C13orf42: variants seen among roughly 807,000 people sequenced by gnomAD.
C13orf42 encodes the protein uncharacterized protein C13orf42.
intron 1 of C13orf42, among the ~76,000 whole-genome samples, chr13:51,097,704 C>T (rs1453195413): frequency 6.6e-6 from 1 of 152,038 alleles, no homozygotes; most frequent in East Asian, 1.9e-4. Flanking sequence ...CCTCCCTGAA[C>T]TCACAACTCC....
chr13:51,127,289 G>A (rs1217547042), intron 1 of C13orf42, among the ~76,000 whole-genome samples: 5 of 152,194 alleles, frequency 3.3e-5, no homozygotes, highest in Non-Finnish European at 5.9e-5. Context: ...CTCAGTCTAG[G>A]CAATTTACCG....
intron 1 of C13orf42, among the ~76,000 whole-genome samples, chr13:51,106,452 C>G (rs532506455): frequency 1.3e-5 from 2 of 152,164 alleles, no homozygotes; most frequent in African/African-American, 4.8e-5. Flanking sequence ...GTTTTCCAGT[C>G]AAAGTGGATA....
Position 51,171,017 on chromosome 13 carries a change from C to A in C13orf42, n.136+1236G>T, listed in dbSNP as rs953159947. 2.6e-5 allele frequency among the ~76,000 whole-genome samples: 4 copies of A among 152,076 alleles called. No individual in the cohort carries two copies. In the Middle Eastern group the frequency reaches 0.014, roughly 521 times the overall value. On this transcript the variant is annotated intron_variant and non_coding_transcript_variant, in intron 1 of 4. Coordinates refer to the C13orf42 transcript ENST00000433280. ...CCCTGACCTCTTATCTCTGTGCCCC[C>A]ATCCCTTATTTCCGTGCCCCAACCC...
chr13:51,151,851 T>C (rs1953780577), intron 1 of C13orf42, among the ~76,000 whole-genome samples: 1 of 152,234 alleles, frequency 6.6e-6, no homozygotes, highest in Non-Finnish European at 1.5e-5. Flanking sequence ...TGGACTTACA[T>C]GGTCCCAGGG....
chr13:51,163,083 A>G (rs1427245663), intron 1 of C13orf42, among the ~76,000 whole-genome samples: 1 of 152,080 alleles, frequency 6.6e-6, no homozygotes, highest in African/African-American at 2.4e-5. Flanking sequence ...CTGACCCCAA[A>G]TTCCAATTTC....
At chr13:51,132,724 A>G (rs886661628) in intron 1 of C13orf42, among the ~76,000 whole-genome samples, 6 of 152,124 alleles carry the variant, frequency 3.9e-5, no homozygotes, top group African/African-American at 1.4e-4. Context: ...TCTGGACTAG[A>G]GCAACTCCAT....
intron 1 of C13orf42, chr13:51,162,146 G>A (rs993475383): frequency 7.5e-6 from 2 of 265,168 alleles, no homozygotes; most frequent in Admixed American, 7.8e-5. Flanking sequence ...ATGGGCATAA[G>A]CCATCTCACA....
chr13:51,123,429 A>G (rs1012818086), intron 1 of C13orf42, among the ~76,000 whole-genome samples: 1 of 152,324 alleles, frequency 6.6e-6, no homozygotes, highest in South Asian at 2.1e-4. Context: ...CAAATTACAC[A>G]CATCACTTCT....
intron 1 of C13orf42, among the ~76,000 whole-genome samples, chr13:51,093,283 A>G (rs74085504): frequency 1.7e-3 from 252 of 152,270 alleles, no homozygotes; most frequent in African/African-American, 5.8e-3. Context: ...TCTTCTGGGT[A>G]TTGGTTCACA....
intron 1 of C13orf42, among the ~76,000 whole-genome samples, chr13:51,164,885 G>A (rs558515920): frequency 5.3e-5 from 8 of 152,106 alleles, no homozygotes; most frequent in Non-Finnish European, 8.8e-5. Context: ...GTTTGAAGAG[G>A]GTCCAGATAA....
At chr13:51,131,945 G>GA in intron 1 of C13orf42, among the ~76,000 whole-genome samples, 1 of 152,260 alleles carries the variant, frequency 6.6e-6, no homozygotes, top group Middle Eastern at 3.4e-3. Flanking sequence ...CTGCTTAGAA[G>GA]AAACAAGAGG....
At chr13:51,147,332 T>C (rs1953743191) in intron 1 of C13orf42, among the ~76,000 whole-genome samples, 2 of 152,198 alleles carry the variant, frequency 1.3e-5, no homozygotes, top group African/African-American at 4.8e-5. Flanking sequence ...GCTCCCTCCG[T>C]GCCTGTGAGA....
chr13:51,171,553 G>C (rs1025531852), intron 1 of C13orf42, among the ~76,000 whole-genome samples: 12 of 151,668 alleles, frequency 7.9e-5, no homozygotes, highest in South Asian at 2.1e-4. Flanking sequence ...GGCTGCTCCT[G>C]GCCAGGCCGA....
chr13:51,133,944 G>C (rs147973081), intron 1 of C13orf42, among the ~76,000 whole-genome samples: 2 of 152,190 alleles, frequency 1.3e-5, no homozygotes, highest in Non-Finnish European at 2.9e-5. Context: ...CCTTCCTGGG[G>C]TCCTCTACAC....
At chr13:51,119,712 T>C (rs559447421) in intron 1 of C13orf42, among the ~76,000 whole-genome samples, 4 of 152,176 alleles carry the variant, frequency 2.6e-5, no homozygotes, top group South Asian at 4.2e-4. Context: ...ATGAAATTCA[T>C]AGAGACAGAA....
chr13:51,144,672 T>G (rs1377824632), intron 1 of C13orf42, among the ~76,000 whole-genome samples: 1 of 152,118 alleles, frequency 6.6e-6, no homozygotes, highest in African/African-American at 2.4e-5. Flanking sequence ...CTATACAGGG[T>G]TTGTGACCTG....
At chr13:51,133,091 C>A (rs970433921) in intron 1 of C13orf42, among the ~76,000 whole-genome samples, 1 of 152,200 alleles carries the variant, frequency 6.6e-6, no homozygotes, top group African/African-American at 2.4e-5. Flanking sequence ...AATGGGCAAC[C>A]AGCAGCTTTC....
intron 1 of C13orf42, among the ~76,000 whole-genome samples, chr13:51,146,074 T>A (rs1953732709): frequency 6.6e-6 from 1 of 152,248 alleles, no homozygotes; most frequent in Non-Finnish European, 1.5e-5. Flanking sequence ...TAGATAATAC[T>A]GTGTTGTACA....
At chr13:51,121,564 C>T (rs1341111494) in intron 1 of C13orf42, among the ~76,000 whole-genome samples, 1 of 138,748 alleles carries the variant, frequency 7.2e-6, no homozygotes, top group African/African-American at 2.8e-5. Flanking sequence ...GAGACAGAGT[C>T]TCACTCTGCT....
Sources: gnomAD v4.1 joint callset for allele counts (sites outside exome capture counted in the v4.1 genomes callset) on GRCh38, gnomAD v4.1.1 for gene constraint, MANE v1.5 for transcripts, NCBI Gene and HGNC (gene_info 2026-07-23, HGNC 2026-07-21) for gene names.